Variants in PARD3 observed in about 807,000 individuals in gnomAD.
PARD3 encodes par-3 family cell polarity regulator.
PARD3 carries 75 observed loss-of-function variants against 155.4 expected under a neutral mutation model. That is an observed-to-expected ratio of 0.48 (90% CI 0.40 to 0.58). The LOEUF (loss-of-function observed/expected upper bound fraction) is 0.58. Among genes scored for constraint, PARD3 ranks in the 20% least tolerant of loss-of-function variants. PARD3 has a pLI of 0.00. For synonymous variants in PARD3, 576 were observed against 610.5 expected (o/e 0.94, Z 0.83); for missense variants, 1,642 against 1,721.7 (o/e 0.95, Z 0.82).
intron 3 of PARD3, among the ~76,000 whole-genome samples, chr10:34,498,566 C>T (rs2080447269): frequency 6.6e-6 from 1 of 152,118 alleles, no homozygotes; most frequent in African/African-American, 2.4e-5. Context: ...TGCATGAGGC[C>T]AGGAGTTCGA....
At chr10:34,334,346 C>CAAAAAAAAA (rs34205005) in intron 18 of PARD3, among the ~76,000 whole-genome samples, 2 of 95,114 alleles carry the variant, frequency 2.1e-5, no homozygotes, top group Non-Finnish European at 2.2e-5. Context: ...TCCCTCTTGC[C>CAAAAAAAAA]AAAAAAAAAA....
intron 1 of PARD3, among the ~76,000 whole-genome samples, chr10:34,744,384 G>T (rs1835042306): frequency 6.6e-6 from 1 of 152,114 alleles, no homozygotes. Context: ...TCCAATATTT[G>T]GTCGTTTATG....
At chr10:34,114,979 C>G (rs763751937) in intron 24 of PARD3, among the ~76,000 whole-genome samples, 2 of 152,190 alleles carry the variant, frequency 1.3e-5, no homozygotes, top group Non-Finnish European at 2.9e-5. Context: ...TTGGCAATAA[C>G]TATCACCTAA....
At chr10:34,600,400 G>A (rs1441994541) in intron 2 of PARD3, among the ~76,000 whole-genome samples, 3 of 151,870 alleles carry the variant, frequency 2.0e-5, no homozygotes, top group Non-Finnish European at 4.4e-5. Context: ...GATTGGAAAG[G>A]AAGAGGAATA....
chr10:34,571,939 A>G (rs1329423628), intron 2 of PARD3, among the ~76,000 whole-genome samples: 1 of 152,226 alleles, frequency 6.6e-6, no homozygotes, highest in Non-Finnish European at 1.5e-5. Context: ...TAGTGGGAGA[A>G]TACAAATATT....
At chr10:34,304,004 G>A (rs750896832) in intron 20 of PARD3, among the ~76,000 whole-genome samples, 2 of 152,184 alleles carry the variant, frequency 1.3e-5, no homozygotes, top group Non-Finnish European at 2.9e-5. Flanking sequence ...AACAGGAAGA[G>A]GCAGGGAATG....
intron 4 of PARD3, among the ~76,000 whole-genome samples, chr10:34,459,259 C>T (rs560598456): frequency 3.3e-5 from 5 of 152,256 alleles, no homozygotes; most frequent in South Asian, 2.1e-4. Context: ...CACCGCATCC[C>T]GGGTTCACGC....
chr10:34,698,534 A>C (rs2094216250), intron 1 of PARD3, among the ~76,000 whole-genome samples: 1 of 152,076 alleles, frequency 6.6e-6, no homozygotes, highest in African/African-American at 2.4e-5. Context: ...CAGCAGTCTA[A>C]CTCCAGCCCA....
intron 2 of PARD3, among the ~76,000 whole-genome samples, chr10:34,527,037 T>C (rs1019021114): frequency 6.6e-6 from 1 of 152,236 alleles, no homozygotes; most frequent in Non-Finnish European, 1.5e-5. Context: ...CATTCTAAAA[T>C]AGAAACTTGA....
intron 14 of PARD3, among the ~76,000 whole-genome samples, chr10:34,350,780 T>C (rs1022805420): frequency 6.6e-6 from 1 of 152,188 alleles, no homozygotes. Context: ...CCTGTAGCAG[T>C]GGCTGTTTAG....
chr10:34,651,539 T>A (rs548126181), intron 2 of PARD3, among the ~76,000 whole-genome samples: 129 of 152,352 alleles, frequency 8.5e-4, no homozygotes, highest in African/African-American at 3.0e-3. Context: ...GACTGCATTT[T>A]CTACAGCCAA....
At chr10:34,521,869 G>GAA (rs747084263) in intron 2 of PARD3, among the ~76,000 whole-genome samples, 10 of 152,156 alleles carry the variant, frequency 6.6e-5, no homozygotes, top group Admixed American at 1.3e-4. Context: ...CAGCAATGGA[G>GAA]AATCAGAAAA....
chr10:34,270,484 C>T (rs1955562513), intron 21 of PARD3, among the ~76,000 whole-genome samples: 1 of 152,112 alleles, frequency 6.6e-6, no homozygotes, highest in South Asian at 2.1e-4. Context: ...TATTAACTAG[C>T]TTTAAAAACT....
intron 22 of PARD3, among the ~76,000 whole-genome samples, chr10:34,172,223 T>C (rs1463457175): frequency 2.6e-5 from 4 of 152,246 alleles, no homozygotes; most frequent in Middle Eastern, 3.4e-3. Context: ...AAAGGGAAAA[T>C]AGTGTTTTCC....
At chr10:34,147,423 C>T (rs1424023616) in intron 22 of PARD3, among the ~76,000 whole-genome samples, 8 of 144,856 alleles carry the variant, frequency 5.5e-5, no homozygotes, top group African/African-American at 9.8e-5. Flanking sequence ...CTTTTTTTCT[C>T]TAGTTTGACT....
At chr10:34,443,131 A>ATAT (rs1424975773) in intron 5 of PARD3, among the ~76,000 whole-genome samples, 2 of 152,190 alleles carry the variant, frequency 1.3e-5, no homozygotes, top group African/African-American at 4.8e-5. Flanking sequence ...CCATTTTATA[A>ATAT]GAACAAGCTA....
chr10:34,464,752 T>C (rs1481367262), intron 4 of PARD3, among the ~76,000 whole-genome samples: 1 of 152,164 alleles, frequency 6.6e-6, no homozygotes, highest in Non-Finnish European at 1.5e-5. Context: ...ACAGCAGAAA[T>C]TGGAAACATT....
At chr10:34,786,982 C>T (rs990520313) in intron 1 of PARD3, among the ~76,000 whole-genome samples, 3 of 152,204 alleles carry the variant, frequency 2.0e-5, no homozygotes, top group African/African-American at 7.2e-5. Flanking sequence ...ATTAGCACCA[C>T]ATCCAGCTCA....
intron 1 of PARD3, among the ~76,000 whole-genome samples, chr10:34,802,631 C>A (rs1842927575): frequency 2.0e-5 from 3 of 152,176 alleles, no homozygotes; most frequent in African/African-American, 4.8e-5. Context: ...TTTGGAGCAT[C>A]CAAATCAATG....
Sources: allele counts gnomAD v4.1 joint callset (sites outside exome capture counted in the v4.1 genomes callset), GRCh38; gene constraint gnomAD v4.1.1; transcripts MANE v1.5; gene names NCBI Gene and HGNC (gene_info 2026-07-23, HGNC 2026-07-21).